Variants in IL1RAPL2 observed in about 807,000 individuals in gnomAD.
IL1RAPL2 encodes the protein X-linked interleukin-1 receptor accessory protein-like 2.
A neutral mutation model predicts 44.1 loss-of-function variants in IL1RAPL2; 3 were observed. The observed-to-expected ratio is 0.07, with a 90% CI of 0.03 to 0.18. The LOEUF (loss-of-function observed/expected upper bound fraction) is 0.18. IL1RAPL2 is among the 10% of genes least tolerant of loss of function. The pLI, the probability that IL1RAPL2 is intolerant of heterozygous loss-of-function variation, is 1.00. For missense variants in IL1RAPL2, 391 were observed against 496.4 expected (o/e 0.79, Z 2.02); for synonymous variants, 181 against 178.8 (o/e 1.01, Z -0.10).
At chrX:104,619,546 C>A (rs2148007191) in intron 1 of IL1RAPL2, among the ~76,000 whole-genome samples, 1 of 111,868 alleles carries the variant, frequency 8.9e-6, no homozygotes, top group South Asian at 3.8e-4. Context: ...TTTCATGATT[C>A]TAGTGGATTC....
chrX:105,076,212 G>C (rs1461006864), intron 2 of IL1RAPL2, among the ~76,000 whole-genome samples: 3 of 110,485 alleles, frequency 2.7e-5, no homozygotes, highest in Non-Finnish European at 5.7e-5. Flanking sequence ...ACACTGCTTT[G>C]AATGTGTCCC....
At chrX:105,416,497 A>G (rs765452669) in intron 5 of IL1RAPL2, among the ~76,000 whole-genome samples, 7 of 112,401 alleles carry the variant, frequency 6.2e-5, no homozygotes, top group Admixed American at 2.8e-4. Context: ...TCTGTAAAGC[A>G]GGAAAAATGA....
At chrX:105,536,648 A>T (rs1273037282) in intron 6 of IL1RAPL2, among the ~76,000 whole-genome samples, 2 of 111,253 alleles carry the variant, frequency 1.8e-5, no homozygotes, top group Non-Finnish European at 3.8e-5. Context: ...ACAACATAGT[A>T]CATTTTTAAA....
intron 2 of IL1RAPL2, among the ~76,000 whole-genome samples, chrX:105,115,298 A>G (rs1305551651): frequency 9.0e-6 from 1 of 111,672 alleles, no homozygotes; most frequent in African/African-American, 3.3e-5. Flanking sequence ...GAGCGAAGGA[A>G]CAAAGATTCC....
intron 5 of IL1RAPL2, among the ~76,000 whole-genome samples, chrX:105,315,343 A>C (rs1232553143): frequency 9.3e-6 from 1 of 107,545 alleles, no homozygotes; most frequent in African/African-American, 3.3e-5. Flanking sequence ...ACAGTCCTTC[A>C]AATAATACTA....
chrX:104,788,745 A>C (rs1932811412), intron 2 of IL1RAPL2, among the ~76,000 whole-genome samples: 1 of 111,850 alleles, frequency 8.9e-6, no homozygotes, highest in Non-Finnish European at 1.9e-5. Context: ...GGCTTACTTA[A>C]ATGATGCAAA....
At chrX:105,441,202 A>G (rs1379129686) in intron 5 of IL1RAPL2, among the ~76,000 whole-genome samples, 1 of 111,967 alleles carries the variant, frequency 8.9e-6, no homozygotes, top group Non-Finnish European at 1.9e-5. Context: ...GGAGTCTGGT[A>G]TATATCAGAT....
At chrX:105,374,995 T>G (rs2035376358) in intron 5 of IL1RAPL2, among the ~76,000 whole-genome samples, 2 of 107,810 alleles carry the variant, frequency 1.9e-5, no homozygotes, top group African/African-American at 6.8e-5. Flanking sequence ...ACCCTGAGAC[T>G]TCACTGAAGT....
chrX:104,625,341 A>G (rs939444312), intron 1 of IL1RAPL2, among the ~76,000 whole-genome samples: 7 of 112,006 alleles, frequency 6.2e-5, no homozygotes, highest in Non-Finnish European at 1.3e-4. Context: ...AACAATAACA[A>G]AATGGTACAG....
intron 5 of IL1RAPL2, among the ~76,000 whole-genome samples, chrX:105,386,768 T>A (rs1266916787): frequency 8.9e-6 from 1 of 112,007 alleles, no homozygotes; most frequent in Admixed American, 9.5e-5. Context: ...TTTGTACATT[T>A]TCCTAGCATG....
intron 2 of IL1RAPL2, among the ~76,000 whole-genome samples, chrX:104,983,686 A>C (rs2030508265): frequency 9.9e-6 from 1 of 100,791 alleles, no homozygotes; most frequent in African/African-American, 3.6e-5. Context: ...TATATACATA[A>C]TATTAACATA....
chrX:105,521,762 TC>T (rs1221974550), intron 6 of IL1RAPL2, among the ~76,000 whole-genome samples: 1 of 111,839 alleles, frequency 8.9e-6, no homozygotes, highest in East Asian at 2.8e-4. Context: ...TAAACCTCTG[TC>T]CTTTATAAAT....
intron 2 of IL1RAPL2, among the ~76,000 whole-genome samples, chrX:105,156,568 A>G (rs924881449): frequency 3.6e-5 from 4 of 112,627 alleles, no homozygotes; most frequent in African/African-American, 1.3e-4. Context: ...AAGTGAATGT[A>G]TTGGCACAAA....
intron 1 of IL1RAPL2, among the ~76,000 whole-genome samples, chrX:104,580,488 T>G (rs982885771): frequency 2.7e-5 from 3 of 112,772 alleles, no homozygotes; most frequent in Non-Finnish European, 5.6e-5. Flanking sequence ...TATTTAGTTC[T>G]CCAGAATGTA....
At chrX:105,435,846 A>C (rs2035878239) in intron 5 of IL1RAPL2, among the ~76,000 whole-genome samples, 1 of 110,984 alleles carries the variant, frequency 9.0e-6, no homozygotes, top group Admixed American at 9.7e-5. Context: ...GAACAATTAG[A>C]ATACGTGGAC....
chrX:104,802,369 TAAAAA>T (rs1159152106), intron 2 of IL1RAPL2, among the ~76,000 whole-genome samples: 2 of 93,670 alleles, frequency 2.1e-5, no homozygotes, highest in Admixed American at 2.3e-4. Flanking sequence ...ACAAAACAAA[TAAAAA>T]AAAAAGAAGA....
intron 2 of IL1RAPL2, among the ~76,000 whole-genome samples, chrX:104,931,266 G>A (rs1280199507): frequency 1.0e-4 from 11 of 107,369 alleles, no homozygotes; most frequent in African/African-American, 3.1e-4. Flanking sequence ...ATACCCCAAC[G>A]AAAAGTGAAT....
chrX:105,396,046 T>G (rs2147732728), intron 5 of IL1RAPL2, among the ~76,000 whole-genome samples: 1 of 111,559 alleles, frequency 9.0e-6, no homozygotes, highest in South Asian at 3.8e-4. Context: ...ATATGCATTT[T>G]AGAAAGGTCA....
intron 2 of IL1RAPL2, among the ~76,000 whole-genome samples, chrX:104,931,999 T>A (rs1396068279): frequency 0.027 from 2,755 of 100,776 alleles, 75 homozygotes; most frequent in African/African-American, 0.075. Flanking sequence ...TATATATATT[T>A]TTTTTTTTTT....
Sources: allele counts gnomAD v4.1 joint callset (sites outside exome capture counted in the v4.1 genomes callset), GRCh38; gene constraint gnomAD v4.1.1; transcripts MANE v1.5; gene names NCBI Gene and HGNC (gene_info 2026-07-23, HGNC 2026-07-21).